Variants in XIRP2 observed in about 807,000 individuals in gnomAD.
XIRP2 encodes xin actin-binding repeat-containing protein 2.
In XIRP2, 236 loss-of-function variants were observed where a neutral mutation model predicts 277.0. The ratio of observed to expected loss-of-function variants is 0.85; its 90% CI spans 0.77 to 0.95. The LOEUF is 0.95. Among genes scored for constraint, XIRP2 ranks in the 40% least tolerant of loss-of-function variants. The probability of loss-of-function intolerance (pLI) is 0.00; values close to 1 mark genes in which losing one functional copy is unlikely to be tolerated. For missense variants in XIRP2, 4,640 were observed against 4,157.5 expected (o/e 1.12, Z -3.19); for synonymous variants, 1,490 against 1,416.5 (o/e 1.05, Z -1.17).
intron 10 of XIRP2, among the ~76,000 whole-genome samples, chr2:167,257,526 A>G (rs1695692796): frequency 6.6e-6 from 1 of 152,008 alleles, no homozygotes; most frequent in African/African-American, 2.4e-5. Context: ...CTCAGGATTT[A>G]TTGGAAATTA....
chr2:166,930,134 A>T (rs184424523), intron 2 of XIRP2, among the ~76,000 whole-genome samples: 129 of 152,242 alleles, frequency 8.5e-4, no homozygotes, highest in African/African-American at 2.7e-3. Flanking sequence ...TCTGGGTGAG[A>T]CATTGGCAAT....
intron 2 of XIRP2, among the ~76,000 whole-genome samples, chr2:166,928,332 C>A (rs757842877): frequency 7.2e-5 from 11 of 152,078 alleles, no homozygotes; most frequent in Non-Finnish European, 1.5e-4. Flanking sequence ...CACCACTGAG[C>A]TCTGAAAAAG....
intron 2 of XIRP2, among the ~76,000 whole-genome samples, chr2:166,955,190 AC>A (rs1436956416): frequency 1.3e-5 from 2 of 151,948 alleles, no homozygotes; most frequent in Non-Finnish European, 2.9e-5. Context: ...AAACGGATAG[AC>A]AAAATGCAGT....
chr2:167,038,649 T>C (rs1688579613), intron 2 of XIRP2, among the ~76,000 whole-genome samples: 1 of 151,794 alleles, frequency 6.6e-6, no homozygotes, highest in Non-Finnish European at 1.5e-5. Flanking sequence ...ATAATAAATA[T>C]AAGTATTTAT....
chr2:167,170,711 T>G (rs897698006), intron 3 of XIRP2, among the ~76,000 whole-genome samples: 2 of 152,114 alleles, frequency 1.3e-5, no homozygotes, highest in African/African-American at 4.8e-5. Context: ...TAAGCAATCT[T>G]GCTAGACGTT....
intron 2 of XIRP2, among the ~76,000 whole-genome samples, chr2:166,918,615 C>T (rs558374540): frequency 1.3e-5 from 2 of 151,866 alleles, no homozygotes; most frequent in South Asian, 2.1e-4. Context: ...TACCATGGGT[C>T]GGAAAAAACT....
At chr2:166,975,930 CAAAAAAAAAAAAA>C (rs550529718) in intron 2 of XIRP2, among the ~76,000 whole-genome samples, 34 of 45,704 alleles carry the variant, frequency 7.4e-4, no homozygotes, top group Middle Eastern at 0.031. Context: ...GACTCCGTCT[CAAAAAAAAAAAAA>C]AAAAAAAAAA....
intron 2 of XIRP2, among the ~76,000 whole-genome samples, chr2:166,930,993 A>C (rs1467257193): frequency 6.6e-6 from 1 of 152,164 alleles, no homozygotes; most frequent in Non-Finnish European, 1.5e-5. Context: ...GCAGTAGGAC[A>C]CAGCCAGCAT....
intron 2 of XIRP2, among the ~76,000 whole-genome samples, chr2:166,988,640 T>C (rs1242839670): frequency 4.1e-5 from 5 of 122,726 alleles, no homozygotes; most frequent in African/African-American, 1.0e-4. Flanking sequence ...GGGCGAGGCA[T>C]TGCCTCACCT....
At chr2:167,000,706 G>A (rs1687342871) in intron 2 of XIRP2, among the ~76,000 whole-genome samples, 1 of 151,932 alleles carries the variant, frequency 6.6e-6, no homozygotes, top group African/African-American at 2.4e-5. Flanking sequence ...AACATTTTAT[G>A]TTTCAATCAT....
intron 3 of XIRP2, among the ~76,000 whole-genome samples, chr2:167,196,597 G>C (rs749455244): frequency 6.6e-6 from 1 of 152,038 alleles, no homozygotes; most frequent in Non-Finnish European, 1.5e-5. Flanking sequence ...TTTCTGTAAC[G>C]GCAACCTAGT....
At chr2:166,979,369 C>CTTTTTTT (rs66909002) in intron 2 of XIRP2, among the ~76,000 whole-genome samples, 12 of 108,526 alleles carry the variant, frequency 1.1e-4, no homozygotes, top group African/African-American at 2.7e-4. Context: ...CTTTTCTTTT[C>CTTTTTTT]TTTTTTTTTT....
At chr2:167,155,026 C>A (rs1180867115) in intron 3 of XIRP2, among the ~76,000 whole-genome samples, 1 of 151,742 alleles carries the variant, frequency 6.6e-6, no homozygotes. Flanking sequence ...AACACATACA[C>A]CCTCCCAAGA....
intron 2 of XIRP2, among the ~76,000 whole-genome samples, chr2:167,118,479 C>A (rs1046289644): frequency 3.2e-5 from 2 of 62,102 alleles, no homozygotes; most frequent in East Asian, 1.2e-3. Context: ...AAGACTCTGT[C>A]TCGATAAAAT....
intron 2 of XIRP2, among the ~76,000 whole-genome samples, chr2:167,000,002 G>A (rs1687322809): frequency 6.6e-6 from 1 of 152,142 alleles, no homozygotes; most frequent in Non-Finnish European, 1.5e-5. Context: ...TTGGCATAAA[G>A]TAGGCAACTA....
At position 167,243,380 on chromosome 2, in the gene XIRP2, T is replaced by C; in HGVS notation, c.1988T>C (p.Leu663Ser). Reference protein sequence around the residue: ...TARWMFETRPLDSMNKMHQSQ... With the variant: ...TARWMFETRPSDSMNKMHQSQ... ...CGGTGGATGTTTGAAACAAGGCCATTGGACTCAATGAATAAAATGCATCAA... is the reference window on the plus strand; with the variant it reads ...CGGTGGATGTTTGAAACAAGGCCATCGGACTCAATGAATAAAATGCATCAA... Residue 663 changes from leucine to serine, a missense_variant, in exon 9 of 11, where the codon TTG becomes TCG. Physicochemically the swap from Leu to Ser is moderately radical, Grantham distance 145 (BLOSUM62 -2). Coordinates refer to ENST00000409195, the MANE Select transcript of XIRP2 (RefSeq NM_152381.6). The C allele has an allele frequency of 1.2e-6, 2 of 1,613,956 alleles. No homozygotes were observed. Among genetic ancestry groups the C allele is most frequent in the East Asian group, 2.2e-5 (1 of 44,886 alleles).
rs529661061 is a variant in XIRP2 at position 167,160,198 on chromosome 2, T to G, written c.562+24136T>G. On this transcript the variant is annotated intron_variant, in intron 3 of 10. Coordinates refer to ENST00000409195, the MANE Select transcript of XIRP2 (RefSeq NM_152381.6). ...AATTTTAATGAGCTTTGTTTTGTTG[T>G]TCTCATTATAAATCTAATATGTGAT... Among the ~76,000 whole-genome samples the G allele has an allele frequency of 3.3e-5, 5 of 152,322 alleles. No individual in the cohort carries two copies. The South Asian group carries it at 1.0e-3, about 32-fold the overall frequency.
rs112566659 is a variant in XIRP2 at position 166,977,079 on chromosome 2, T to C, written c.408+73189T>C. On this transcript the variant is annotated intron_variant, in intron 2 of 10. Transcript: ENST00000409195. Reference sequence around the variant, plus strand: ...TCAACCATTGCTCATATGATTGTTTTCCTGAAAGCAATGTGTGTTTGCTCT... The same window carrying C: ...TCAACCATTGCTCATATGATTGTTTCCCTGAAAGCAATGTGTGTTTGCTCT... Among the ~76,000 whole-genome samples the C allele has an allele frequency of 7.7e-4, 118 of 152,326 alleles. 2 individuals carry two copies. Among genetic ancestry groups the C allele is most frequent in the African/African-American group, 2.8e-3 (115 of 41,586 alleles).
At position 167,136,747 on chromosome 2, in the gene XIRP2, A is replaced by G. The variant is rs73015962; in HGVS notation, c.562+685A>G. ...ATTCTGGATTTTTCCTCTTTAGCCA[A>G]ATAATGTCTATTGTAGTATTTGTGG... On this transcript the variant is annotated intron_variant, in intron 3 of 10. Coordinates refer to ENST00000409195, the MANE Select transcript of XIRP2 (RefSeq NM_152381.6). Among the ~76,000 whole-genome samples, 1,203 of 152,320 alleles carry G rather than the reference A, an allele frequency of 7.9e-3. 21 individuals carry two copies. The highest frequency in any genetic ancestry group is 0.028 in the African/African-American group (1,162 of 41,566).
Sources: gnomAD v4.1 joint callset for allele counts (sites outside exome capture counted in the v4.1 genomes callset) on GRCh38, gnomAD v4.1.1 for gene constraint, MANE v1.5 for transcripts, NCBI Gene and HGNC (gene_info 2026-07-23, HGNC 2026-07-21) for gene names.